Variants in ARHGAP15 observed in about 807,000 individuals in gnomAD.
The protein encoded by ARHGAP15 is Rho GTPase activating protein 15.
In ARHGAP15, 51 loss-of-function variants were observed where a neutral mutation model predicts 63.7. That is an observed-to-expected ratio of 0.80 (90% CI 0.64 to 1.01). ARHGAP15 has a LOEUF of 1.01. ARHGAP15 is among the 50% of genes least tolerant of loss of function. The pLI is 0.00. For synonymous variants in ARHGAP15, 191 were observed against 193.8 expected (o/e 0.99, Z 0.12); for missense variants, 560 against 564.6 (o/e 0.99, Z 0.08).
intron 6 of ARHGAP15, among the ~76,000 whole-genome samples, chr2:143,424,649 C>CT (rs1689070082): frequency 6.6e-6 from 1 of 152,094 alleles, no homozygotes; most frequent in South Asian, 2.1e-4. Context: ...CTCATCCATC[C>CT]TTTTAGGATC....
chr2:143,320,411 C>CCCCCCCCCCCCCG (rs1683960781), intron 6 of ARHGAP15, among the ~76,000 whole-genome samples: 2 of 40,692 alleles, frequency 4.9e-5, no homozygotes, highest in African/African-American at 1.2e-4. Context: ...CTTCCCCACC[C>CCCCCCCCCCCCCG]CCCCCCCCCC....
intron 13 of ARHGAP15, chr2:143,706,362 C>G (rs183107394): frequency 2.0e-5 from 3 of 152,060 alleles, no homozygotes; most frequent in African/African-American, 7.2e-5. Context: ...TATCGTCAAC[C>G]CTTGTATGTA....
At chr2:143,743,538 T>C (rs932144839) in intron 13 of ARHGAP15, among the ~76,000 whole-genome samples, 1 of 152,166 alleles carries the variant, frequency 6.6e-6, no homozygotes, top group Non-Finnish European at 1.5e-5. Context: ...CTGTGCCTCT[T>C]AGTTTCTTGC....
At chr2:143,145,254 T>A (rs1221126214) in intron 1 of ARHGAP15, among the ~76,000 whole-genome samples, 2 of 152,044 alleles carry the variant, frequency 1.3e-5, no homozygotes, top group African/African-American at 4.8e-5. Context: ...TAATGAGTGA[T>A]CTCATCTTTT....
chr2:143,291,529 C>G (rs758247649), intron 6 of ARHGAP15, among the ~76,000 whole-genome samples: 1 of 151,916 alleles, frequency 6.6e-6, no homozygotes, highest in Non-Finnish European at 1.5e-5. Flanking sequence ...ATAGTTTTTT[C>G]TCTAATTCTA....
chr2:143,484,621 T>A (rs182670316), intron 8 of ARHGAP15, among the ~76,000 whole-genome samples: 4 of 152,262 alleles, frequency 2.6e-5, no homozygotes, highest in Admixed American at 2.6e-4. Context: ...AGCACTGCCA[T>A]GTATATAGTA....
At chr2:143,694,108 T>C (rs1364570318) in intron 12 of ARHGAP15, among the ~76,000 whole-genome samples, 2 of 152,192 alleles carry the variant, frequency 1.3e-5, no homozygotes, top group Admixed American at 6.6e-5. Context: ...TGAAAGAATG[T>C]TCATATTTAC....
In ARHGAP15 at chr2:143,232,072, G is replaced by C. The variant is rs72851535; in HGVS notation, c.384+3404G>C. On this transcript the variant is annotated intron_variant, in intron 5 of 13. Transcript: ENST00000295095. ...CCAAGTCACATTTTTATCAAAAGCAGCCTTACTGTGCAAATAAGCACAGAA... is the reference window on the plus strand; with the variant it reads ...CCAAGTCACATTTTTATCAAAAGCACCCTTACTGTGCAAATAAGCACAGAA... Among the ~76,000 whole-genome samples the C allele has an allele frequency of 8.7e-3, 1,320 of 152,224 alleles. 26 individuals carry two copies. Among genetic ancestry groups the C allele is most frequent in the African/African-American group, 0.03 (1,251 of 41,514 alleles).
At chr2:143,191,544 C>T (rs1691684899) in intron 2 of ARHGAP15, among the ~76,000 whole-genome samples, 1 of 152,182 alleles carries the variant, frequency 6.6e-6, no homozygotes. Flanking sequence ...CCCTTGCCCT[C>T]AAGAGTCCCT....
chr2:143,242,701 A>G (rs1334024679), intron 5 of ARHGAP15, among the ~76,000 whole-genome samples: 1 of 152,216 alleles, frequency 6.6e-6, no homozygotes, highest in African/African-American at 2.4e-5. Context: ...ATATTCATAT[A>G]CATAAAACCC....
At chr2:143,553,910 G>T (rs569374065) in intron 10 of ARHGAP15, among the ~76,000 whole-genome samples, 3 of 152,178 alleles carry the variant, frequency 2.0e-5, no homozygotes, top group Admixed American at 2.0e-4. Context: ...ATCAAGACAT[G>T]CACTTGATTT....
At chr2:143,130,042 T>C (rs1360051424) in intron 1 of ARHGAP15, among the ~76,000 whole-genome samples, 1 of 152,122 alleles carries the variant, frequency 6.6e-6, no homozygotes, top group Non-Finnish European at 1.5e-5. Flanking sequence ...CTAAATTTCA[T>C]TTAAGATATA....
intron 6 of ARHGAP15, among the ~76,000 whole-genome samples, chr2:143,371,506 T>C (rs1686550636): frequency 6.6e-6 from 1 of 152,120 alleles, no homozygotes; most frequent in South Asian, 2.1e-4. Context: ...CTTCGTCTCC[T>C]CTCCCCACCC....
intron 6 of ARHGAP15, among the ~76,000 whole-genome samples, chr2:143,372,349 TAAAAA>T (rs35140789): frequency 8.8e-6 from 1 of 114,194 alleles, no homozygotes; most frequent in South Asian, 3.0e-4. Context: ...GTAGTCGATT[TAAAAA>T]AAAAAAAAAA....
chr2:143,292,559 T>A (rs934612690), intron 6 of ARHGAP15, among the ~76,000 whole-genome samples: 1 of 152,040 alleles, frequency 6.6e-6, no homozygotes, highest in Admixed American at 6.6e-5. Flanking sequence ...TGGATTGTTC[T>A]ATTTATAGAG....
intron 13 of ARHGAP15, among the ~76,000 whole-genome samples, chr2:143,759,572 T>C (rs140478747): frequency 6.6e-6 from 1 of 152,314 alleles, no homozygotes; most frequent in Non-Finnish European, 1.5e-5. Flanking sequence ...CCCAGATTTT[T>C]ACCATGACCC....
intron 10 of ARHGAP15, chr2:143,533,206 T>C (rs905274212): frequency 1.3e-5 from 2 of 152,170 alleles, no homozygotes; most frequent in Admixed American, 6.5e-5. Context: ...AGACAGTAAA[T>C]TTTTAGTTCA....
At chr2:143,394,417 C>A (rs1687670786) in intron 6 of ARHGAP15, among the ~76,000 whole-genome samples, 1 of 152,104 alleles carries the variant, frequency 6.6e-6, no homozygotes, top group Admixed American at 6.5e-5. Context: ...GAGACCATGG[C>A]AAGAATAATT....
intron 6 of ARHGAP15, among the ~76,000 whole-genome samples, chr2:143,359,044 T>G (rs1053075636): frequency 3.3e-5 from 5 of 152,132 alleles, no homozygotes; most frequent in Admixed American, 1.3e-4. Context: ...GCGATTGATT[T>G]AAACATGTAC....
Sources: allele counts gnomAD v4.1 joint callset (sites outside exome capture counted in the v4.1 genomes callset), GRCh38; gene constraint gnomAD v4.1.1; transcripts MANE v1.5; gene names NCBI Gene and HGNC (gene_info 2026-07-23, HGNC 2026-07-21).